RRP15: variants seen among roughly 807,000 people sequenced by gnomAD.
The protein encoded by RRP15 is ribosomal RNA processing 15 homolog, also known as RRP15-like protein.
Under a neutral mutation model 27.1 loss-of-function variants are expected in RRP15, and 18 were observed. The ratio of observed to expected loss-of-function variants is 0.66; its 90% CI spans 0.46 to 0.98. RRP15 has a LOEUF of 0.98. RRP15 is among the 50% of genes least tolerant of loss of function. RRP15 has a pLI of 0.00. For synonymous variants in RRP15, 107 were observed against 109.4 expected (o/e 0.98, Z 0.14); for missense variants, 359 against 337.8 (o/e 1.06, Z -0.49).
At chr1:218,311,813 G>A (rs910510975) in intron 4 of RRP15, among the ~76,000 whole-genome samples, 7 of 152,354 alleles carry the variant, frequency 4.6e-5, no homozygotes, top group Admixed American at 3.3e-4. Flanking sequence ...TGGCCCGATA[G>A]ATGGCTTCCA....
intron 1 of RRP15, among the ~76,000 whole-genome samples, chr1:218,297,152 A>G (rs931040302): frequency 6.6e-6 from 1 of 152,224 alleles, no homozygotes; most frequent in Non-Finnish European, 1.5e-5. Context: ...TAGGTAACTT[A>G]CCCAAAACTA....
chr1:218,300,590 A>T (rs2102497027), intron 1 of RRP15, among the ~76,000 whole-genome samples: 1 of 152,318 alleles, frequency 6.6e-6, no homozygotes, highest in Admixed American at 6.5e-5. Flanking sequence ...CTGACTATAC[A>T]CTGTCTTCCA....
At chr1:218,314,990 CAAAA>C (rs76826029) in intron 4 of RRP15, among the ~76,000 whole-genome samples, 3 of 61,812 alleles carry the variant, frequency 4.9e-5, no homozygotes, top group Non-Finnish European at 7.0e-5. Context: ...GGCTCCATCT[CAAAA>C]AAAAAAAAAA....
At chr1:218,303,228 T>A (rs1028984115) in intron 2 of RRP15, among the ~76,000 whole-genome samples, 1 of 152,210 alleles carries the variant, frequency 6.6e-6, no homozygotes, top group African/African-American at 2.4e-5. Flanking sequence ...AAATTAAGCA[T>A]GTTTTTTAAT....
chr1:218,304,471 A>G (rs188386912), intron 2 of RRP15, among the ~76,000 whole-genome samples: 39 of 152,206 alleles, frequency 2.6e-4, no homozygotes, highest in Non-Finnish European at 5.0e-4. Flanking sequence ...CTGATAAACC[A>G]TATATGGCAA....
At chr1:218,297,414 G>C (rs975965941) in intron 1 of RRP15, among the ~76,000 whole-genome samples, 2 of 152,128 alleles carry the variant, frequency 1.3e-5, no homozygotes, top group African/African-American at 4.8e-5. Flanking sequence ...TGTGTAATCA[G>C]CATTTAAGTG....
intron 4 of RRP15, among the ~76,000 whole-genome samples, chr1:218,309,704 A>AC (rs1490530848): frequency 1.3e-5 from 2 of 151,594 alleles, no homozygotes; most frequent in African/African-American, 4.8e-5. Context: ...AAAAAAAAAA[A>AC]AAAACATATT....
chr1:218,320,832 A>G (rs1023760897), intron 4 of RRP15, among the ~76,000 whole-genome samples: 6 of 152,182 alleles, frequency 3.9e-5, no homozygotes, highest in Non-Finnish European at 8.8e-5. Flanking sequence ...GCTTACTGAA[A>G]ATTTTTAACA....
Position 218,337,851 on chromosome 1 carries a change from A to C in RRP15, c.*6760A>C, listed in dbSNP as rs1220135319. 1 of 152,188 alleles carries C rather than the reference A, an allele frequency of 6.6e-6. No individual in the cohort carries two copies. The highest frequency in any genetic ancestry group is 1.5e-5 in the Non-Finnish European group (1 of 68,026). 9.4% of individuals were successfully genotyped at this position (152,188 alleles called of 1,614,324 possible). On this transcript the variant is annotated 3_prime_UTR_variant, in exon 5 of 5. Transcript: ENST00000366932. ...TGTATGAAGAGTCCTGTTTGCTAGA[A>C]TCCTACTTTATCTTTTAAGTTTTGC...
intron 1 of RRP15, among the ~76,000 whole-genome samples, chr1:218,296,115 T>C (rs1372608202): frequency 6.6e-6 from 1 of 152,180 alleles, no homozygotes; most frequent in Non-Finnish European, 1.5e-5. Flanking sequence ...TCAGCTTAAC[T>C]GAGGCTTAGA....
At chr1:218,291,390 G>A (rs1655637208) in intron 1 of RRP15, among the ~76,000 whole-genome samples, 1 of 149,550 alleles carries the variant, frequency 6.7e-6, no homozygotes, top group South Asian at 2.1e-4. Flanking sequence ...GGTTGCAGTG[G>A]GCCAAGATTG....
chr1:218,297,831 C>T (rs538954211), intron 1 of RRP15, among the ~76,000 whole-genome samples: 1 of 152,282 alleles, frequency 6.6e-6, no homozygotes, highest in South Asian at 2.1e-4. Flanking sequence ...TTATTGGAAG[C>T]ACACACCTGG....
rs772012407 is a variant in RRP15 at position 218,333,537 on chromosome 1, C to T, written c.*2446C>T. 1.3e-5 allele frequency: 2 copies of T among 152,252 alleles called. No homozygotes were observed. The highest frequency in any genetic ancestry group is 3.8e-4 in the East Asian group (2 of 5,204). The allele number at this position is 152,252 out of a possible 1,614,324, so 9.4% of individuals were successfully genotyped here. ...TTTTTGAGACGGTCTCACACTGTCA[C>T]CCAGGCTGGAGTGCAGTGGTGCAAT... On this transcript the variant is annotated 3_prime_UTR_variant, in exon 5 of 5. Transcript: ENST00000366932.
chr1:218,292,687 C>G (rs918075644), intron 1 of RRP15, among the ~76,000 whole-genome samples: 2 of 152,214 alleles, frequency 1.3e-5, no homozygotes, highest in Non-Finnish European at 2.9e-5. Context: ...ACTGAATCTC[C>G]TTGTAAACTG....
At chr1:218,322,996 G>A (rs1217183864) in intron 4 of RRP15, among the ~76,000 whole-genome samples, 3 of 152,204 alleles carry the variant, frequency 2.0e-5, no homozygotes, top group East Asian at 3.9e-4. Context: ...GGCTACTTGC[G>A]AGGCTGCAGC....
intron 4 of RRP15, among the ~76,000 whole-genome samples, chr1:218,327,847 C>G (rs1027880747): frequency 3.0e-4 from 45 of 152,280 alleles, no homozygotes; most frequent in African/African-American, 1.1e-3. Context: ...TAAAATCTTT[C>G]CCTCTCAGCC....
chr1:218,295,528 G>A (rs1292260759), intron 1 of RRP15, among the ~76,000 whole-genome samples: 2 of 152,170 alleles, frequency 1.3e-5, no homozygotes, highest in Admixed American at 6.5e-5. Context: ...TATAACAAAA[G>A]ACTTGATAAC....
At chr1:218,322,334 G>A (rs1254109389) in intron 4 of RRP15, among the ~76,000 whole-genome samples, 1 of 152,098 alleles carries the variant, frequency 6.6e-6, no homozygotes, top group Non-Finnish European at 1.5e-5. Context: ...AAAGTGCTTG[G>A]CACACAATGA....
chr1:218,328,462 A>G (rs1336371075), intron 4 of RRP15, among the ~76,000 whole-genome samples: 8 of 152,102 alleles, frequency 5.3e-5, no homozygotes, highest in East Asian at 3.9e-4. Context: ...GGAGATTGAG[A>G]CCATCCTGGC....
Sources: allele counts gnomAD v4.1 joint callset (sites outside exome capture counted in the v4.1 genomes callset), GRCh38; gene constraint gnomAD v4.1.1; transcripts MANE v1.5; gene names NCBI Gene and HGNC (gene_info 2026-07-23, HGNC 2026-07-21).